BRINP3: variants seen among roughly 807,000 people sequenced by gnomAD.
BRINP3 encodes the protein BMP/retinoic acid-inducible neural-specific protein 3.
A neutral mutation model predicts 71.0 loss-of-function variants in BRINP3; 19 were observed. The ratio of observed to expected loss-of-function variants is 0.27; its 90% CI spans 0.19 to 0.39. The LOEUF (loss-of-function observed/expected upper bound fraction) is 0.39, where lower values mean the gene tolerates loss of function less well. Among genes scored for constraint, BRINP3 ranks in the 10% least tolerant of loss-of-function variants. The pLI, the probability that BRINP3 is intolerant of heterozygous loss-of-function variation, is 1.00. For synonymous variants in BRINP3, 380 were observed against 337.7 expected, an observed-to-expected ratio of 1.13 and a Z score of -1.37; for missense variants, 959 against 940.8, an observed-to-expected ratio of 1.02 and a Z score of -0.25.
intron 2 of BRINP3, among the ~76,000 whole-genome samples, chr1:190,340,009 C>A (rs553948790): frequency 1.1e-3 from 160 of 152,002 alleles, no homozygotes; most frequent in Middle Eastern, 3.4e-3. Flanking sequence ...TGATTGATTA[C>A]ACTTACTACC....
At chr1:190,403,397 A>T (rs1257876214) in intron 2 of BRINP3, among the ~76,000 whole-genome samples, 1 of 152,222 alleles carries the variant, frequency 6.6e-6, no homozygotes, top group Non-Finnish European at 1.5e-5. Flanking sequence ...CAGTTTGCAT[A>T]GCCTCAGATT....
intron 2 of BRINP3, among the ~76,000 whole-genome samples, chr1:190,415,647 TAA>T (rs1672962845): frequency 6.6e-6 from 1 of 152,200 alleles, no homozygotes; most frequent in African/African-American, 2.4e-5. Context: ...CTCCTGTCTG[TAA>T]ACTCAAATAG....
intron 2 of BRINP3, among the ~76,000 whole-genome samples, chr1:190,392,338 C>T (rs1171373): frequency 2.0e-5 from 3 of 151,150 alleles, no homozygotes; most frequent in Admixed American, 6.6e-5. Context: ...TTGTATATTA[C>T]GAGCTTCTTT....
intron 2 of BRINP3, among the ~76,000 whole-genome samples, chr1:190,309,930 A>G (rs965822973): frequency 1.3e-5 from 2 of 151,730 alleles, no homozygotes; most frequent in African/African-American, 4.8e-5. Flanking sequence ...TTAATCTTCT[A>G]CTGTAATGGT....
intron 2 of BRINP3, among the ~76,000 whole-genome samples, chr1:190,416,636 T>C (rs1411022382): frequency 1.3e-5 from 2 of 152,094 alleles, no homozygotes; most frequent in African/African-American, 4.8e-5. Flanking sequence ...ATAAATGAGA[T>C]AAGTAATAAT....
At chr1:190,160,427 C>A (rs536360798) in intron 7 of BRINP3, among the ~76,000 whole-genome samples, 159 of 151,830 alleles carry the variant, frequency 1.0e-3, no homozygotes, top group Non-Finnish European at 1.9e-3. Context: ...AGAATGATTT[C>A]TTCATTTTGA....
chr1:190,452,737 A>G (rs1378288013), intron 2 of BRINP3, among the ~76,000 whole-genome samples: 1 of 152,086 alleles, frequency 6.6e-6, no homozygotes, highest in Non-Finnish European at 1.5e-5. Context: ...GCGCCTATTA[A>G]TCTAAGCTAC....
intron 2 of BRINP3, among the ~76,000 whole-genome samples, chr1:190,295,942 A>C (rs1381241209): frequency 6.6e-6 from 1 of 151,920 alleles, no homozygotes; most frequent in African/African-American, 2.4e-5. Context: ...GTGATTTTTA[A>C]TCTGTATAGT....
At chr1:190,396,340 A>G (rs1378507211) in intron 2 of BRINP3, among the ~76,000 whole-genome samples, 1 of 151,868 alleles carries the variant, frequency 6.6e-6, no homozygotes, top group Non-Finnish European at 1.5e-5. Flanking sequence ...TACAGTACAT[A>G]TGTATACAAA....
At chr1:190,460,234 T>A (rs970167569) in intron 1 of BRINP3, among the ~76,000 whole-genome samples, 6 of 150,866 alleles carry the variant, frequency 4.0e-5, no homozygotes, top group African/African-American at 1.2e-4. Flanking sequence ...TCTATTAAAT[T>A]ATAAATGTTA....
chr1:190,469,745 C>A (rs1416864653), intron 1 of BRINP3, among the ~76,000 whole-genome samples: 4 of 150,732 alleles, frequency 2.7e-5, no homozygotes, highest in South Asian at 2.1e-4. Context: ...ACAGAAGGGG[C>A]TTTGGTGAGC....
At chr1:190,400,691 A>C (rs1414488972) in intron 2 of BRINP3, among the ~76,000 whole-genome samples, 1 of 152,134 alleles carries the variant, frequency 6.6e-6, no homozygotes, top group African/African-American at 2.4e-5. Context: ...ATAACAAAAC[A>C]CTAATTTTGT....
chr1:190,312,073 A>ATATATATATG (rs1215673029), intron 2 of BRINP3, among the ~76,000 whole-genome samples: 27 of 139,616 alleles, frequency 1.9e-4, no homozygotes, highest in African/African-American at 6.4e-4. Context: ...ATATATATAT[A>ATATATATATG]TATGTATTTC....
intron 2 of BRINP3, among the ~76,000 whole-genome samples, chr1:190,374,906 A>G (rs1347011317): frequency 6.6e-6 from 1 of 152,034 alleles, no homozygotes; most frequent in Non-Finnish European, 1.5e-5. Flanking sequence ...AAATTTTGGA[A>G]ACAAGGTCAA....
At chr1:190,408,313 G>T (rs1233985305) in intron 2 of BRINP3, among the ~76,000 whole-genome samples, 1 of 151,738 alleles carries the variant, frequency 6.6e-6, no homozygotes, top group Non-Finnish European at 1.5e-5. Flanking sequence ...CAAAGTGCTG[G>T]GATTACAGGC....
At chr1:190,352,612 G>T (rs1030642184) in intron 2 of BRINP3, among the ~76,000 whole-genome samples, 1 of 151,932 alleles carries the variant, frequency 6.6e-6, no homozygotes, top group Non-Finnish European at 1.5e-5. Flanking sequence ...AAAGGATGCA[G>T]AATGTATTTT....
chr1:190,196,167 G>A (rs1002079933), intron 6 of BRINP3, among the ~76,000 whole-genome samples: 1 of 152,036 alleles, frequency 6.6e-6, no homozygotes, highest in African/African-American at 2.4e-5. Flanking sequence ...TCCCAACCCT[G>A]GCTTCCAGGT....
chr1:190,198,347 G>T (rs1213007122), intron 6 of BRINP3, among the ~76,000 whole-genome samples: 2 of 152,152 alleles, frequency 1.3e-5, no homozygotes, highest in Non-Finnish European at 2.9e-5. Flanking sequence ...AATTTCTGCA[G>T]CCATCTTGAA....
chr1:190,237,901 T>G (rs563757120), intron 4 of BRINP3, among the ~76,000 whole-genome samples: 1 of 152,142 alleles, frequency 6.6e-6, no homozygotes, highest in African/African-American at 2.4e-5. Flanking sequence ...TGAAATCAAT[T>G]TTCTCTTCTA....
Sources: allele counts gnomAD v4.1 joint callset (sites outside exome capture counted in the v4.1 genomes callset), GRCh38; gene constraint gnomAD v4.1.1; transcripts MANE v1.5; gene names NCBI Gene and HGNC (gene_info 2026-07-23, HGNC 2026-07-21).